The following NGEF variants were observed in gnomAD, a reference collection of about 807,000 sequenced individuals.
NGEF encodes ephexin-1.
NGEF carries 31 observed loss-of-function variants against 80.9 expected under a neutral mutation model. That is an observed-to-expected ratio of 0.38 (90% CI 0.29 to 0.52). The LOEUF (loss-of-function observed/expected upper bound fraction) is 0.52, where lower values mean the gene tolerates loss of function less well. NGEF is among the 20% of genes least tolerant of loss of function. NGEF has a pLI of 0.84. For missense variants in NGEF, 709 were observed against 926.2 expected, an observed-to-expected ratio of 0.77 and a Z score of 3.04; for synonymous variants, 371 against 370.2, an observed-to-expected ratio of 1.00 and a Z score of -0.03.
chr2:232,958,612 A>G (rs1373624124), intron 3 of NGEF, among the ~76,000 whole-genome samples: 1 of 152,194 alleles, frequency 6.6e-6, no homozygotes, highest in African/African-American at 2.4e-5. Flanking sequence ...GTCAATGGTA[A>G]GAGCTGATGA....
chr2:232,894,899 G>T lies in NGEF; in HGVS notation c.846C>A (p.Val282=). 6.3e-7 allele frequency: 1 copy of T among 1,593,178 alleles called. No homozygotes were observed. The highest frequency in any genetic ancestry group is 1.1e-5 in the South Asian group (1 of 90,150). The change falls in exon 6 of 15, where the codon GTC becomes GTA. Residue 282 remains valine, a synonymous_variant. Coordinates refer to ENST00000264051, the MANE Select transcript of NGEF (RefSeq NM_019850.3). ...TCTTGTAGTAGGACGCCTCGGAAGT[G>T]ACCAGCTCGAACATGGCCTGTAGCA... ...IKLQEAMFEL[V]TSEASYYKSL...
At chr2:232,993,292 A>G (rs1373688150) in intron 1 of NGEF, among the ~76,000 whole-genome samples, 2 of 96,246 alleles carry the variant, frequency 2.1e-5, no homozygotes, top group Non-Finnish European at 4.3e-5. Context: ...CAAAAGACAT[A>G]CAAATGGCCA....
rs868773553 is a variant in NGEF at position 232,883,082 on chromosome 2, C to T, written c.1757+229G>A. Among the ~76,000 whole-genome samples, 4 of 149,326 alleles carry T rather than the reference C, an allele frequency of 2.7e-5. No individual in the cohort carries two copies. The highest frequency in any genetic ancestry group is 2.1e-4 in the South Asian group (1 of 4,758). ...ACACACACACACACACACACACACACGCACACACGCACACACGTACACGCG... is the reference window on the plus strand; with the variant it reads ...ACACACACACACACACACACACACATGCACACACGCACACACGTACACGCG... On this transcript the variant is annotated intron_variant, in intron 12 of 14. Transcript: ENST00000264051.
chr2:232,993,019 A>G (rs987003162), intron 1 of NGEF, among the ~76,000 whole-genome samples: 1 of 143,522 alleles, frequency 7.0e-6, no homozygotes, highest in South Asian at 2.2e-4. Context: ...ACACACACAC[A>G]CGCACATAAA....
intron 1 of NGEF, among the ~76,000 whole-genome samples, chr2:232,982,919 C>T (rs1694462326): frequency 6.6e-6 from 1 of 152,148 alleles, no homozygotes; most frequent in Non-Finnish European, 1.5e-5. Context: ...CAGAAAAGTC[C>T]CTGCAAGGGA....
At chr2:232,927,331 C>T in intron 3 of NGEF, 145 bp from the exon 4 acceptor site, 1 of 833,324 alleles carries the variant, frequency 1.2e-6, no homozygotes, top group Non-Finnish European at 1.7e-6. Flanking sequence ...GCAGCCAGCG[C>T]CGCCCCTCCC....
At chr2:232,885,884 G>A (rs1381558938) in intron 9 of NGEF, among the ~76,000 whole-genome samples, 49 of 152,238 alleles carry the variant, frequency 3.2e-4, no homozygotes, top group Admixed American at 3.2e-3. Flanking sequence ...GTGTGCGCGA[G>A]GGCCTCCCTG....
chr2:232,893,965 T>A (rs1379266610), intron 6 of NGEF, among the ~76,000 whole-genome samples: 2 of 152,026 alleles, frequency 1.3e-5, no homozygotes, highest in Admixed American at 1.3e-4. Context: ...AGTGAGCAGC[T>A]CCCAGGGTGC....
chr2:232,935,652 C>T (rs1693312866), intron 3 of NGEF, among the ~76,000 whole-genome samples: 1 of 152,140 alleles, frequency 6.6e-6, no homozygotes, highest in South Asian at 2.1e-4. Context: ...GACCACATAG[C>T]TAGCTAATGG....
intron 3 of NGEF, among the ~76,000 whole-genome samples, chr2:232,962,652 A>T (rs963035223): frequency 1.3e-5 from 2 of 152,006 alleles, no homozygotes; most frequent in Non-Finnish European, 2.9e-5. Flanking sequence ...TGAAAAATGA[A>T]ATTAGAAAAC....
chr2:232,903,644 T>C (rs1259937425), intron 5 of NGEF, among the ~76,000 whole-genome samples: 2 of 152,184 alleles, frequency 1.3e-5, no homozygotes, highest in Admixed American at 1.3e-4. Context: ...GGTATTGGTA[T>C]TTGCTTTCTA....
intron 5 of NGEF, chr2:232,905,722 G>T (rs773847928): frequency 5.1e-6 from 2 of 394,462 alleles, no homozygotes; most frequent in Non-Finnish European, 1.0e-5. Flanking sequence ...GCCGCCCATC[G>T]TCTGAGATGT....
intron 1 of NGEF, among the ~76,000 whole-genome samples, chr2:233,002,900 A>T (rs1695009999): frequency 6.6e-6 from 1 of 152,170 alleles, no homozygotes; most frequent in South Asian, 2.1e-4. Flanking sequence ...GGTGGGGCCC[A>T]GGCGTCACTG....
Position 232,894,809 on chromosome 2 carries a change from G to A in NGEF, c.936C>T (p.Ser312=), listed in dbSNP as rs199543898. The A allele has an allele frequency of 1.1e-4, 184 of 1,611,344 alleles. No individual in the cohort carries two copies. Among genetic ancestry groups the A allele is most frequent in the Non-Finnish European group, 1.5e-4 (175 of 1,178,704 alleles). ...NERIRKILHP[S]EAHILFSNVL... is the part of the protein sequence containing the mutation. ...CGTTGGAGAAGAGGATGTGCGCCTC[G>A]GACGGGTGCAGGATCTTCCTTATCC... Residue 312 remains serine, a synonymous_variant, in exon 6 of 15, where the codon TCC becomes TCT. Transcript: ENST00000264051.
At chr2:232,927,271 C>CGGCTG in intron 3 of NGEF, 85 bp from the exon 4 acceptor site, 1 of 1,417,560 alleles carries the variant, frequency 7.1e-7, no homozygotes, top group Non-Finnish European at 9.3e-7. Flanking sequence ...TGCGCACAGG[C>CGGCTG]GGCTGCTAGC....
intron 3 of NGEF, among the ~76,000 whole-genome samples, chr2:232,948,046 G>A (rs13004808): frequency 0.3 from 46,132 of 151,774 alleles, 7,742 homozygotes; most frequent in Middle Eastern, 0.43. Flanking sequence ...TTTTTAATAC[G>A]GCCCAAGTGG....
chr2:232,920,974 C>G (rs10200350), intron 4 of NGEF, among the ~76,000 whole-genome samples: 19,785 of 152,162 alleles, frequency 0.13, 1,482 homozygotes, highest in South Asian at 0.28. Context: ...TAGCCCTCAA[C>G]GTTTCAATAT....
At position 232,995,178 on chromosome 2, in the gene NGEF, AGTATGTAT is replaced by A. The variant is rs1694769793; in HGVS notation, c.-75+17882_-75+17889del. ...CAGTATGTATACTGTATATGTGTAC[AGTATGTAT>A]GCTGTGTACAGTATGTATACTGTAT... On this transcript the variant is annotated intron_variant, in intron 1 of 14. Coordinates refer to ENST00000264051, the MANE Select transcript of NGEF (RefSeq NM_019850.3). 5.6e-4 allele frequency among the ~76,000 whole-genome samples: 22 copies of A among 38,978 alleles called. 9 individuals are homozygous for A. The highest frequency in any genetic ancestry group is 1.1e-3 in the Non-Finnish European group (20 of 18,376). The allele number at this position is 38,978 out of a possible 152,430, so 25.6% of individuals were successfully genotyped here.
chr2:232,960,738 C>T lies in NGEF; in HGVS notation c.383+9476G>A, dbSNP rs562227013. ...TACTAAAATTACAAAATTAGCCAGA[C>T]GTGGTGGTGCATGCCTGTAATTCCT... On this transcript the variant is annotated intron_variant, in intron 3 of 14. Coordinates refer to ENST00000264051, the MANE Select transcript of NGEF (RefSeq NM_019850.3). 8.7e-4 allele frequency among the ~76,000 whole-genome samples: 133 copies of T among 152,236 alleles called. 1 individual carries two copies. Among genetic ancestry groups the T allele is most frequent in the African/African-American group, 2.8e-3 (116 of 41,546 alleles).
Sources: gnomAD v4.1 joint callset for allele counts (sites outside exome capture counted in the v4.1 genomes callset) on GRCh38, gnomAD v4.1.1 for gene constraint, MANE v1.5 for transcripts, NCBI Gene and HGNC (gene_info 2026-07-23, HGNC 2026-07-21) for gene names.